The following PRTN3 variants were observed in gnomAD, a reference collection of about 807,000 sequenced individuals.
PRTN3 encodes the protein proteinase 3.
In PRTN3, 22 loss-of-function variants were observed where a neutral mutation model predicts 20.7. The observed-to-expected ratio is 1.06, with a 90% CI of 0.76 to 1.52. The LOEUF is 1.52. Among genes scored for constraint, PRTN3 ranks in the 40% most tolerant of loss-of-function variants. The pLI, the probability that PRTN3 is intolerant of heterozygous loss-of-function variation, is 0.00. For synonymous variants in PRTN3, 173 were observed against 152.9 expected (o/e 1.13, Z -0.97); for missense variants, 378 against 359.6 (o/e 1.05, Z -0.41).
chr19:848,044 C>A lies in PRTN3; in HGVS notation c.*75C>A. On this transcript the variant is annotated 3_prime_UTR_variant, in exon 5 of 5. Coordinates refer to ENST00000234347, the MANE Select transcript of PRTN3 (RefSeq NM_002777.4). The stretch of plus-strand genomic sequence containing the variant: ...CTCGAGGCGGATCTTTGGACAGAAG[C>A]AGCTCTTCCCCGAACACTGTGGCGT... The A allele has an allele frequency of 6.7e-7, 1 of 1,495,356 alleles. No individual in the cohort carries two copies. Among genetic ancestry groups the A allele is most frequent in the Non-Finnish European group, 8.9e-7 (1 of 1,117,646 alleles). The allele number at this position is 1,495,356 out of a possible 1,614,324, so 92.6% of individuals were successfully genotyped here.
chr19:848,091 C>T lies in PRTN3; in HGVS notation c.*122C>T. 8.9e-6 allele frequency: 11 copies of T among 1,236,932 alleles called. No individual in the cohort carries two copies. Among genetic ancestry groups the T allele is most frequent in the Non-Finnish European group, 1.2e-5 (11 of 909,566 alleles). 76.6% of individuals were successfully genotyped at this position (1,236,932 alleles called of 1,614,324 possible). A position where few individuals can be genotyped will look rare whatever the true frequency, so the allele number is the denominator to read the frequency against. On this transcript the variant is annotated 3_prime_UTR_variant, in exon 5 of 5. Transcript: ENST00000234347. ...GCGTCCGGGACGGCCCCACCCGTCC[C>T]CCCACACTCCCTCCCACGGGGCTCC...
chr19:841,158 C>A, intron 1 of PRTN3, 89 bp downstream of exon 1: 1 of 1,491,616 alleles, frequency 6.7e-7, no homozygotes. Flanking sequence ...CAAAGCCCTT[C>A]TGGCACAGCT....
In PRTN3 at chr19:844,061, G is replaced by C. The variant is rs372806630; in HGVS notation, c.369+27G>C. On this transcript the variant is annotated intron_variant, in intron 3 of 4. Transcript: ENST00000234347. ...TGGGCGGGCAGGGCCGCGAGGGCTC[G>C]GAGGGGCACGGCCAGAGGGCTCCGG... The C allele has an allele frequency of 3.8e-6, 6 of 1,583,426 alleles. No individual in the cohort carries two copies. The African/African-American group carries it at 8.1e-5, about 21-fold the overall frequency.
At position 843,850 on chromosome 19, in the gene PRTN3, C is replaced by T. The variant is rs1398743968; in HGVS notation, c.228-43C>T. The T allele has an allele frequency of 2.6e-6, 4 of 1,542,434 alleles. No homozygotes were observed. The Admixed American group carries it at 8.3e-5, about 32-fold the overall frequency. ...GGGAAGGGCCGGCTGTGGGCGGCGG[C>T]GAGTGTCCAGGGCGCCGAGGAGTGA... On this transcript the variant is annotated intron_variant, in intron 2 of 4. Transcript: ENST00000234347.
At chr19:843,053 G>T (rs1196243786) in intron 1 of PRTN3, among the ~76,000 whole-genome samples, 1 of 152,018 alleles carries the variant, frequency 6.6e-6, no homozygotes, top group Non-Finnish European at 1.5e-5. Context: ...TAGCTGGGAC[G>T]ACAGGTGCAC....
chr19:847,291 A>C (rs2035528618), intron 4 of PRTN3, among the ~76,000 whole-genome samples: 1 of 151,902 alleles, frequency 6.6e-6, no homozygotes, highest in South Asian at 2.1e-4. Flanking sequence ...TGGAGAACAG[A>C]GCGAGACCCT....
At chr19:841,351 C>T (rs1159768518) in intron 1 of PRTN3, among the ~76,000 whole-genome samples, 1 of 152,188 alleles carries the variant, frequency 6.6e-6, no homozygotes, top group Admixed American at 6.6e-5. Flanking sequence ...TAGTAACAGG[C>T]GAATTCCTGG....
At chr19:843,726 C>A in intron 2 of PRTN3, 100 bp downstream of exon 2, 2 of 1,472,288 alleles carry the variant, frequency 1.4e-6, no homozygotes, top group Non-Finnish European at 1.8e-6. Flanking sequence ...CCAGCTAAGC[C>A]CCGTCTGCAG....
chr19:841,082 C>T lies in PRTN3; in HGVS notation c.61+13C>T, dbSNP rs201472135. The T allele has an allele frequency of 1.4e-3, 2,233 of 1,603,306 alleles. 4 individuals carry two copies. The highest frequency in any genetic ancestry group is 2.4e-3 in the South Asian group (222 of 90,792). On this transcript the variant is annotated intron_variant, in intron 1 of 4. Transcript: ENST00000234347. ...TTGCTGCTGAGCGGTGAGTGAGCCA[C>T]GTGCCCATCCATCCAGCCTCCAGGC...
rs752964311 is a variant in PRTN3, at chr19:847,878, G to A, written c.680G>A (p.Arg227His). The A allele has an allele frequency of 3.1e-6, 5 of 1,607,712 alleles. No homozygotes were observed. Among genetic ancestry groups the A allele is most frequent in the African/African-American group, 1.3e-5 (1 of 74,856 alleles). The change falls in exon 5 of 5, where the codon CGC (arginine) becomes CAC (histidine). Residue 227 changes from arginine (R) to histidine (H), a missense_variant. Transcript: ENST00000234347. ...TTCGTGATCTGGGGATGTGCCACCC[G>A]CCTTTTCCCTGACTTCTTCACGCGG... ...DSFVIWGCAT[R>H]LFPDFFTRVA...
At chr19:843,028 C>T (rs1176914436) in intron 1 of PRTN3, among the ~76,000 whole-genome samples, 1 of 152,188 alleles carries the variant, frequency 6.6e-6, no homozygotes, top group Non-Finnish European at 1.5e-5. Context: ...GATCCTCCCT[C>T]CTCAGCCTCC....
At chr19:842,005 G>C (rs1034950433) in intron 1 of PRTN3, among the ~76,000 whole-genome samples, 13 of 149,654 alleles carry the variant, frequency 8.7e-5, no homozygotes, top group Non-Finnish European at 1.5e-5. Flanking sequence ...GGGATTACAG[G>C]CGTGAGCCAC....
At position 846,189 on chromosome 19, in the gene PRTN3, C is replaced by A; in HGVS notation, c.412C>A (p.Gln138Lys). Residue 138 changes from glutamine (Q) to lysine (K), a missense_variant, in exon 4 of 5, where the codon CAG (glutamine) becomes AAG (lysine). Physicochemically the swap from Gln to Lys is moderately conservative, Grantham distance 53. Transcript: ENST00000234347. ...CCTCAGTGCCTCCGTCGCCACAGTC[C>A]AGCTGCCACAGCAGGACCAGCCAGT... ...ANLSASVATV[Q>K]LPQQDQPVPH... 1 of 1,521,008 alleles carries A rather than the reference C, an allele frequency of 6.6e-7. No individual in the cohort carries two copies. Among genetic ancestry groups the A allele is most frequent in the Non-Finnish European group, 8.8e-7 (1 of 1,131,810 alleles). 94.2% of individuals were successfully genotyped at this position (1,521,008 alleles called of 1,614,324 possible).
At chr19:841,137 C>A in intron 1 of PRTN3, 68 bp downstream of exon 1, 1 of 1,549,210 alleles carries the variant, frequency 6.5e-7, no homozygotes, top group South Asian at 1.2e-5. Flanking sequence ...ATATCCACCA[C>A]GAGGTCCATC....
chr19:841,480 GTGAA>G (rs1036348172), intron 1 of PRTN3, among the ~76,000 whole-genome samples: 2 of 150,398 alleles, frequency 1.3e-5, no homozygotes, highest in Non-Finnish European at 1.5e-5. Context: ...CAATGAGTGA[GTGAA>G]TGAATGAGTG....
chr19:847,555 AAGAGAGAG>A (rs145629657), intron 4 of PRTN3, among the ~76,000 whole-genome samples: 13 of 115,902 alleles, frequency 1.1e-4, no homozygotes, highest in East Asian at 1.1e-3. Flanking sequence ...AAGAAAAAGA[AAGAGAGAG>A]AGAGAGAGAG....
chr19:841,744 T>TG (rs1252024391), intron 1 of PRTN3, among the ~76,000 whole-genome samples: 2 of 146,606 alleles, frequency 1.4e-5, no homozygotes, highest in African/African-American at 5.0e-5. Context: ...TTTTTTTTTT[T>TG]TGAGACGGAG....
At position 842,397 on chromosome 19, in the gene PRTN3, A is replaced by G. The variant is rs1488415880; in HGVS notation, c.62-1064A>G. Among the ~76,000 whole-genome samples the G allele has an allele frequency of 3.4e-5, 4 of 117,276 alleles. 1 individual carries two copies. The Admixed American group carries it at 3.8e-4, about 11-fold the overall frequency. 76.9% of individuals were successfully genotyped at this position (117,276 alleles called of 152,430 possible). Reference sequence around the variant, plus strand: ...TGAGATGGGGTCTCACTCAGGCATGAGCCACTGCGCCCAGGATTTTTTTTT... The same window carrying G: ...TGAGATGGGGTCTCACTCAGGCATGGGCCACTGCGCCCAGGATTTTTTTTT... On this transcript the variant is annotated intron_variant, in intron 1 of 4. Transcript: ENST00000234347.
intron 2 of PRTN3, 80 bp downstream of exon 2, chr19:843,706 C>T (rs2035475589): frequency 2.0e-6 from 3 of 1,491,824 alleles, no homozygotes; most frequent in Non-Finnish European, 2.7e-6. Flanking sequence ...TCCCTCTGCC[C>T]GGGGAGGACC....
Sources: gnomAD v4.1 joint callset for allele counts (sites outside exome capture counted in the v4.1 genomes callset) on GRCh38, gnomAD v4.1.1 for gene constraint, MANE v1.5 for transcripts, NCBI Gene and HGNC (gene_info 2026-07-23, HGNC 2026-07-21) for gene names.